TNKS: variants seen among roughly 807,000 people sequenced by gnomAD.
TNKS encodes tankyrase.
In TNKS, 72 loss-of-function variants were observed where a neutral mutation model predicts 135.8. That is an observed-to-expected ratio of 0.53 (90% CI 0.44 to 0.64). The LOEUF (loss-of-function observed/expected upper bound fraction) is 0.64. TNKS is among the 30% of genes least tolerant of loss of function. The pLI, the probability that TNKS is intolerant of heterozygous loss-of-function variation, is 0.00. For synonymous variants in TNKS, 849 were observed against 649.3 expected (o/e 1.31, Z -4.68); for missense variants, 1,769 against 1,674.0 (o/e 1.06, Z -0.99).
chr8:9,561,429 A>G (rs1797327753), intron 1 of TNKS, among the ~76,000 whole-genome samples: 1 of 152,210 alleles, frequency 6.6e-6, no homozygotes, highest in Non-Finnish European at 1.5e-5. Flanking sequence ...ACTATAGAAT[A>G]AGAGTTGCCT....
At chr8:9,773,385 G>GTGAT (rs1372726250) in intron 26 of TNKS, among the ~76,000 whole-genome samples, 2 of 152,028 alleles carry the variant, frequency 1.3e-5, no homozygotes, top group East Asian at 1.9e-4. Flanking sequence ...TTATCACTGG[G>GTGAT]TGATAATGAG....
intron 12 of TNKS, among the ~76,000 whole-genome samples, chr8:9,723,518 A>C (rs1805009823): frequency 1.3e-5 from 2 of 152,228 alleles, no homozygotes; most frequent in Non-Finnish European, 2.9e-5. Context: ...AACTGCTGGC[A>C]ATATTTGTGT....
At chr8:9,624,041 A>AC (rs575089419) in intron 3 of TNKS, among the ~76,000 whole-genome samples, 1 of 151,524 alleles carries the variant, frequency 6.6e-6, no homozygotes, top group Non-Finnish European at 1.5e-5. Context: ...ACAACAACAA[A>AC]AAACAACTAA....
At chr8:9,655,859 G>C (rs1342967014) in intron 3 of TNKS, among the ~76,000 whole-genome samples, 1 of 152,176 alleles carries the variant, frequency 6.6e-6, no homozygotes, top group Non-Finnish European at 1.5e-5. Context: ...AAGGAACGCA[G>C]CTCCTCACCA....
At chr8:9,704,843 C>G in intron 6 of TNKS, 86 bp downstream of exon 6, 1 of 1,023,776 alleles carries the variant, frequency 9.8e-7, no homozygotes. Context: ...AGTCATATGT[C>G]CCATTTGTTA....
intron 5 of TNKS, among the ~76,000 whole-genome samples, chr8:9,694,534 G>A (rs1803424906): frequency 6.6e-6 from 1 of 152,110 alleles, no homozygotes; most frequent in Non-Finnish European, 1.5e-5. Flanking sequence ...GGCCAAGGCA[G>A]GTGGATCACT....
At chr8:9,689,440 G>A (rs970399864) in intron 5 of TNKS, among the ~76,000 whole-genome samples, 1 of 151,980 alleles carries the variant, frequency 6.6e-6, no homozygotes, top group African/African-American at 2.4e-5. Context: ...AACTAAACTG[G>A]TAAATTTGGA....
chr8:9,748,320 C>A, intron 18 of TNKS, 108 bp downstream of exon 18: 1 of 1,012,586 alleles, frequency 9.9e-7, no homozygotes, highest in Non-Finnish European at 1.3e-6. Context: ...TCACTTAGAA[C>A]AGAGATCTTC....
In TNKS at chr8:9,627,942, A is replaced by G. The variant is rs73524875; in HGVS notation, c.994+12265A>G. ...CTTATTGCTATCACCAATTCTACCAACTTAGCTGCAGCTGCACTCGTGTAC... is the reference window on the plus strand; with the variant it reads ...CTTATTGCTATCACCAATTCTACCAGCTTAGCTGCAGCTGCACTCGTGTAC... On this transcript the variant is annotated intron_variant, in intron 3 of 26. Transcript: ENST00000310430. Among the ~76,000 whole-genome samples, 941 of 152,192 alleles carry G rather than the reference A, an allele frequency of 6.2e-3. 12 individuals carry two copies. The highest frequency in any genetic ancestry group is 0.021 in the African/African-American group (868 of 41,528).
At chr8:9,708,303 A>G (rs1161091360) in intron 8 of TNKS, 68 bp from the exon 9 acceptor site, 2 of 1,303,978 alleles carry the variant, frequency 1.5e-6, no homozygotes, top group Non-Finnish European at 2.1e-6. Flanking sequence ...CTACTTATTT[A>G]TAATCATGCT....
At chr8:9,634,892 G>T (rs1187763267) in intron 3 of TNKS, among the ~76,000 whole-genome samples, 10 of 152,140 alleles carry the variant, frequency 6.6e-5, no homozygotes, top group Non-Finnish European at 1.3e-4. Flanking sequence ...GTAATGAACT[G>T]CTCGGCCGGG....
intron 1 of TNKS, 193 bp downstream of exon 1, chr8:9,556,805 T>A: frequency 1.7e-6 from 1 of 571,986 alleles, no homozygotes. Flanking sequence ...GGGGGATAAG[T>A]GAATCCAAGG....
At chr8:9,569,956 T>C (rs1011002122) in intron 1 of TNKS, among the ~76,000 whole-genome samples, 1 of 152,216 alleles carries the variant, frequency 6.6e-6, no homozygotes, top group Non-Finnish European at 1.5e-5. Flanking sequence ...TAAATTTTTT[T>C]TGTTTGTTTT....
chr8:9,608,628 T>G (rs1799327482), intron 2 of TNKS, among the ~76,000 whole-genome samples: 1 of 152,186 alleles, frequency 6.6e-6, no homozygotes, highest in South Asian at 2.1e-4. Flanking sequence ...CCCTGGGGAC[T>G]CCTTCACAGA....
chr8:9,745,622 C>G (rs1387359847), intron 17 of TNKS, among the ~76,000 whole-genome samples: 1 of 152,110 alleles, frequency 6.6e-6, no homozygotes, highest in African/African-American at 2.4e-5. Flanking sequence ...CCAGGATGGT[C>G]TCAAACTCCT....
chr8:9,757,378 A>G (rs1470657510), intron 20 of TNKS, among the ~76,000 whole-genome samples: 1 of 151,748 alleles, frequency 6.6e-6, no homozygotes, highest in African/African-American at 2.4e-5. Context: ...CTTGATACAT[A>G]CTCTCCTGTA....
chr8:9,561,060 T>G (rs1797314061), intron 1 of TNKS, among the ~76,000 whole-genome samples: 1 of 152,198 alleles, frequency 6.6e-6, no homozygotes, highest in Non-Finnish European at 1.5e-5. Flanking sequence ...CTTACATAAA[T>G]TATAATACTG....
chr8:9,585,117 T>C (rs1798319657), intron 2 of TNKS, among the ~76,000 whole-genome samples: 1 of 151,896 alleles, frequency 6.6e-6, no homozygotes, highest in Non-Finnish European at 1.5e-5. Context: ...GGAAGAAATT[T>C]CCTGGGGCCA....
chr8:9,717,101 A>ATATATTTT (rs1454492300), intron 11 of TNKS, among the ~76,000 whole-genome samples: 11 of 119,322 alleles, frequency 9.2e-5, no homozygotes, highest in Admixed American at 7.7e-4. Flanking sequence ...ATATATATAT[A>ATATATTTT]TTTTCAGGGA....
Sources: gnomAD v4.1 joint callset for allele counts (sites outside exome capture counted in the v4.1 genomes callset) on GRCh38, gnomAD v4.1.1 for gene constraint, MANE v1.5 for transcripts, NCBI Gene and HGNC (gene_info 2026-07-23, HGNC 2026-07-21) for gene names.